The following MDM2 variants were observed in gnomAD, a reference collection of about 807,000 sequenced individuals.
MDM2 encodes the protein E3 ubiquitin-protein ligase Mdm2.
In MDM2, 11 loss-of-function variants were observed where a neutral mutation model predicts 64.3. That is an observed-to-expected ratio of 0.17 (90% CI 0.11 to 0.28). The LOEUF is 0.28. Ranked by LOEUF, MDM2 falls within the 10% of genes least tolerant of loss-of-function variation. The pLI is 1.00. For missense variants in MDM2, 388 were observed against 577.1 expected (o/e 0.67, Z 3.36); for synonymous variants, 194 against 192.9 (o/e 1.01, Z -0.05).
In MDM2 at chr12:68,828,963, CT is replaced by C. The variant is rs746815619; in HGVS notation, c.684+34del. 6 of 1,608,014 alleles carry C rather than the reference CT, an allele frequency of 3.7e-6. No homozygotes were observed. The South Asian group carries it at 6.6e-5, about 18-fold the overall frequency. On this transcript the variant is annotated intron_variant, in intron 8 of 10. Transcript: ENST00000258149. The stretch of plus-strand genomic sequence containing the variant: ...TTCTCATTTTAAGTAAGGCAAGACT[CT>C]TACTGTTCAAAGTCTAGTCCTGGCA...
Position 68,835,811 on chromosome 12 carries a change from AT to A in MDM2, c.685-11del, listed in dbSNP as rs773224463. The A allele has an allele frequency of 5.6e-6, 9 of 1,607,384 alleles. No homozygotes were observed. Among genetic ancestry groups the A allele is most frequent in the Admixed American group, 5.1e-5 (3 of 59,282 alleles). On this transcript the variant is annotated splice_polypyrimidine_tract_variant and intron_variant, in intron 8 of 10. Transcript: ENST00000258149. ...AGAGGTGATGTTTATTAAGTTATAT[AT>A]TTTTTTCTTGTTTTAGGATCTTGAT...
At position 68,840,095 on chromosome 12, in the gene MDM2, A is replaced by G. The variant is rs1381105360; in HGVS notation, c.*246A>G. The G allele has an allele frequency of 4.6e-6, 2 of 434,622 alleles. No individual in the cohort carries two copies. The highest frequency in any genetic ancestry group is 8.0e-5 in the Admixed American group (2 of 25,098). The allele number at this position is 434,622 out of a possible 1,614,324, so 26.9% of individuals were successfully genotyped here. On this transcript the variant is annotated 3_prime_UTR_variant, in exon 11 of 11. Coordinates refer to ENST00000258149, the MANE Select transcript of MDM2 (RefSeq NM_002392.6). ...AATAATTTCTACTCTGTCTTAAATG[A>G]GAAGTACTTGGTTTTTTTTTTTCTT...
At chr12:68,828,748 A>AT in intron 7 of MDM2, 23 bp from the exon 8 acceptor site, 7 of 1,609,932 alleles carry the variant, frequency 4.3e-6, no homozygotes, top group Non-Finnish European at 5.9e-6. Flanking sequence ...ACAGCAATTT[A>AT]TTTTTTTTCC....
At chr12:68,812,228 TAATTC>T (rs749518580) in intron 2 of MDM2, among the ~76,000 whole-genome samples, 104 of 152,142 alleles carry the variant, frequency 6.8e-4, no homozygotes, top group Non-Finnish European at 1.3e-3. Flanking sequence ...GAAAAATTAA[TAATTC>T]AATTCTATAT....
chr12:68,833,310 A>AATATATATAATTATAT (rs1483382437), intron 8 of MDM2, among the ~76,000 whole-genome samples: 1 of 55,820 alleles, frequency 1.8e-5, no homozygotes, highest in Non-Finnish European at 4.1e-5. Context: ...TATAAATATA[A>AATATATATAATTATAT]AAATATAATT....
chr12:68,829,188 T>C (rs766558998), intron 8 of MDM2, among the ~76,000 whole-genome samples: 2 of 152,176 alleles, frequency 1.3e-5, no homozygotes, highest in Non-Finnish European at 2.9e-5. Flanking sequence ...TCAATGTCAC[T>C]GTATGTATTA....
At chr12:68,838,170 A>G (rs1226759880) in intron 10 of MDM2, among the ~76,000 whole-genome samples, 1 of 152,228 alleles carries the variant, frequency 6.6e-6, no homozygotes, top group Admixed American at 6.5e-5. Context: ...TGAATAGTCT[A>G]TCTTTATTGC....
rs984289974 is a variant in MDM2 at position 68,842,501 on chromosome 12, G to C, written c.*2652G>C. 2.6e-6 allele frequency: 1 copy of C among 382,280 alleles called. No homozygotes were observed. The highest frequency in any genetic ancestry group is 5.1e-6 in the Non-Finnish European group (1 of 196,084). The allele number at this position is 382,280 out of a possible 1,614,324, so 23.7% of individuals were successfully genotyped here. ...ATATAAGGTCACTCCGATGAAAGGT[G>C]ATTACAAAATCATCTACATTGCTGT... is the stretch of plus-strand genomic sequence containing the variant. On this transcript the variant is annotated 3_prime_UTR_variant, in exon 11 of 11. Transcript: ENST00000258149.
Position 68,843,641 on chromosome 12 carries a change from A to C in MDM2, c.*3792A>C, listed in dbSNP as rs140856009. 1.7e-3 allele frequency: 394 copies of C among 226,056 alleles called. 4 individuals carry two copies. The highest frequency in any genetic ancestry group is 8.3e-3 in the African/African-American group (371 of 44,962). The allele number at this position is 226,056 out of a possible 1,614,324, so 14.0% of individuals were successfully genotyped here. On this transcript the variant is annotated 3_prime_UTR_variant, in exon 11 of 11. Coordinates refer to ENST00000258149, the MANE Select transcript of MDM2 (RefSeq NM_002392.6). ...AAATCAACTGAACTGTAAGCTTAGA[A>C]TAGGACTGAGGTAATTCTGCACAGC...
intron 5 of MDM2, among the ~76,000 whole-genome samples, chr12:68,820,943 C>T (rs1165790099): frequency 6.6e-6 from 1 of 151,872 alleles, no homozygotes; most frequent in Non-Finnish European, 1.5e-5. Context: ...ACCTACTTTC[C>T]ATGAGAAAAG....
rs1460693060 is a variant in MDM2 at position 68,808,382 on chromosome 12, T to A, written c.-96T>A. The A allele has an allele frequency of 6.5e-7, 1 of 1,540,108 alleles. No homozygotes were observed. The highest frequency in any genetic ancestry group is 9.0e-7 in the Non-Finnish European group (1 of 1,115,990). On this transcript the variant is annotated 5_prime_UTR_variant, in exon 1 of 11. An upstream start codon of the reference 5' UTR is lost. Transcript: ENST00000258149. The stretch of plus-strand genomic sequence containing the variant: ...CAGTGCCCTGGCCCGGAGAGTGGAA[T>A]GATCCCCGAGGCCCAGGGCGTCGTG...
At chr12:68,816,764 C>G (rs1032838096) in intron 3 of MDM2, 48 bp from the exon 4 acceptor site, 2 of 1,464,012 alleles carry the variant, frequency 1.4e-6, no homozygotes, top group Admixed American at 4.4e-5. Context: ...GTATTTACAA[C>G]TAACATTTAG....
chr12:68,845,871 C>T (rs1021362895), downstream of MDM2: 1 of 152,468 alleles, frequency 6.6e-6, no homozygotes, highest in African/African-American at 2.4e-5. Flanking sequence ...TCAAGCAATC[C>T]TCCCACCTCA....
intron 7 of MDM2, among the ~76,000 whole-genome samples, chr12:68,826,036 C>T (rs140743328): frequency 5.8e-4 from 89 of 152,254 alleles, no homozygotes; most frequent in African/African-American, 2.1e-3. Flanking sequence ...ATCTGTATTA[C>T]ATAAAAAGTC....
At chr12:68,815,440 T>C (rs1428248867) in intron 3 of MDM2, among the ~76,000 whole-genome samples, 3 of 143,848 alleles carry the variant, frequency 2.1e-5, no homozygotes, top group Admixed American at 1.4e-4. Context: ...CTTCTTTTTT[T>C]TTTTTTTTTT....
intron 9 of MDM2, 186 bp from the exon 10 acceptor site, chr12:68,836,486 A>AT (rs1184336532): frequency 2.1e-6 from 1 of 487,296 alleles, no homozygotes; most frequent in African/African-American, 2.0e-5. Context: ...GACTTTTACC[A>AT]TTGTGGGTAA....
chr12:68,837,747 C>T (rs529120330), intron 10 of MDM2, among the ~76,000 whole-genome samples: 1 of 152,294 alleles, frequency 6.6e-6, no homozygotes, highest in South Asian at 2.1e-4. Flanking sequence ...ACATCTCATG[C>T]ATACTTCACT....
chr12:68,825,144 A>G (rs1436011127), intron 7 of MDM2, among the ~76,000 whole-genome samples: 5 of 152,188 alleles, frequency 3.3e-5, no homozygotes, highest in African/African-American at 1.2e-4. Context: ...GGGAGGTAGA[A>G]GTTACAGTGA....
intron 1 of MDM2, 121 bp from the exon 2 acceptor site, chr12:68,809,087 G>A (rs1002378062): frequency 6.6e-7 from 1 of 1,526,148 alleles, no homozygotes; most frequent in Non-Finnish European, 8.7e-7. Context: ...GCTGATCCAG[G>A]TAAGCACCGA....
Sources: gnomAD v4.1 joint callset for allele counts (sites outside exome capture counted in the v4.1 genomes callset) on GRCh38, gnomAD v4.1.1 for gene constraint, MANE v1.5 for transcripts, NCBI Gene and HGNC (gene_info 2026-07-23, HGNC 2026-07-21) for gene names.